Variants in SEL1L3 observed in about 807,000 individuals in gnomAD.
SEL1L3 encodes the protein protein sel-1 homolog 3.
A neutral mutation model predicts 142.8 loss-of-function variants in SEL1L3; 76 were observed. The observed-to-expected ratio is 0.53, with a 90% CI of 0.44 to 0.64. SEL1L3 has a LOEUF of 0.64. SEL1L3 is among the 30% of genes least tolerant of loss of function. The pLI is 0.00. For synonymous variants in SEL1L3, 504 were observed against 519.6 expected (o/e 0.97, Z 0.41); for missense variants, 1,262 against 1,381.7 (o/e 0.91, Z 1.37).
Position 25,757,581 on chromosome 4 carries a change from A to G in SEL1L3, c.3212T>C (p.Leu1071Pro), listed in dbSNP as rs1420212982. 1.3e-6 allele frequency: 2 copies of G among 1,552,366 alleles called. No individual in the cohort carries two copies. The highest frequency in any genetic ancestry group is 2.0e-5 in the Admixed American group (1 of 51,004). ...ALIYFLGTFL[L>P]SILIAWTVQY... ...CACAGTCCAGGCGATCAATATGGAT[A>G]GCAGAAAGGTTCCCAGAAAGTAGAT... Residue 1071 changes from leucine (L) to proline (P), a missense_variant, in exon 23 of 24, where the codon CTA becomes CCA. Physicochemically the swap from Leu to Pro is moderately conservative, Grantham distance 98. Around this residue, in one of 3 missense-constraint regions of SEL1L3, gnomAD observed 138 missense variants for 129.7 expected, o/e 1.06. Transcript: ENST00000399878.
chr4:25,785,732 G>A (rs1320027295), intron 13 of SEL1L3, among the ~76,000 whole-genome samples: 1 of 152,158 alleles, frequency 6.6e-6, no homozygotes, highest in Non-Finnish European at 1.5e-5. Flanking sequence ...GAGGGGAGGA[G>A]ACAAGCTTTC....
chr4:25,830,040 G>C, intron 6 of SEL1L3, 58 bp downstream of exon 6: 1 of 1,085,024 alleles, frequency 9.2e-7, no homozygotes. Flanking sequence ...GCTAAAGTAT[G>C]AAGATTCCTT....
At chr4:25,745,567 G>C (rs541962614), downstream of SEL1L3, among the ~76,000 whole-genome samples, 29 of 152,314 alleles carry the variant, frequency 1.9e-4, no homozygotes, top group Admixed American at 3.3e-4. Flanking sequence ...TCAAGGTGAA[G>C]GGAGTGTGAT....
chr4:25,853,048 T>C (rs994329389), intron 1 of SEL1L3, among the ~76,000 whole-genome samples: 1 of 152,250 alleles, frequency 6.6e-6, no homozygotes, highest in Non-Finnish European at 1.5e-5. Flanking sequence ...TCAGTTTTGT[T>C]TGATGGTCCA....
intron 11 of SEL1L3, among the ~76,000 whole-genome samples, chr4:25,796,868 GAA>G (rs10708744): frequency 0.019 from 2,741 of 142,488 alleles, 72 homozygotes; most frequent in African/African-American, 0.062. Flanking sequence ...CATAAAGACA[GAA>G]AAAAAAAAAA....
intron 17 of SEL1L3, among the ~76,000 whole-genome samples, chr4:25,771,518 T>TGGA (rs1310851605): frequency 6.6e-6 from 1 of 152,214 alleles, no homozygotes; most frequent in African/African-American, 2.4e-5. Context: ...TATATTATTT[T>TGGA]GCACGTGCTC....
At chr4:25,792,998 C>A (rs1421314816) in intron 11 of SEL1L3, among the ~76,000 whole-genome samples, 2 of 152,206 alleles carry the variant, frequency 1.3e-5, no homozygotes, top group African/African-American at 4.8e-5. Context: ...TAAGAACCAT[C>A]ATGGATGATG....
At chr4:25,798,664 C>A (rs1207221313) in intron 11 of SEL1L3, among the ~76,000 whole-genome samples, 10 of 152,122 alleles carry the variant, frequency 6.6e-5, no homozygotes, top group Admixed American at 6.5e-4. Context: ...CCCGTCTTCC[C>A]TAAAAATACA....
At chr4:25,747,136 G>A (rs1717296123), downstream of SEL1L3, among the ~76,000 whole-genome samples, 1 of 152,148 alleles carries the variant, frequency 6.6e-6, no homozygotes, top group African/African-American at 2.4e-5. Context: ...AGAAGGAGGA[G>A]GATGAACTAC....
At chr4:25,719,571 A>G in the SEL1L3 span, 1 of 152,176 alleles carries the variant, frequency 6.6e-6, no homozygotes, top group African/African-American at 2.4e-5. Context: ...TGTCAGCGGG[A>G]CAGAAGAGAA....
chr4:25,720,119 T>C, the SEL1L3 span: 1 of 152,186 alleles, frequency 6.6e-6, no homozygotes, highest in East Asian at 1.9e-4. Flanking sequence ...TCTAACCCTT[T>C]TTGGGCTCAT....
intron 9 of SEL1L3, among the ~76,000 whole-genome samples, chr4:25,816,507 T>C (rs562099243): frequency 7.9e-5 from 12 of 152,284 alleles, no homozygotes; most frequent in African/African-American, 2.9e-4. Context: ...GCTCTGTTCC[T>C]GTCACCATGT....
chr4:25,718,718 C>G, the SEL1L3 span: 1 of 152,196 alleles, frequency 6.6e-6, no homozygotes, highest in Admixed American at 6.5e-5. Flanking sequence ...CATACCGTAA[C>G]TGCCTAGCTT....
At chr4:25,781,749 AAGAG>A (rs1367281464) in intron 15 of SEL1L3, among the ~76,000 whole-genome samples, 26 of 152,298 alleles carry the variant, frequency 1.7e-4, no homozygotes, top group African/African-American at 6.3e-4. Context: ...AGGATTACAT[AAGAG>A]GGCACATGGT....
At chr4:25,845,102 G>A (rs905497069) in intron 2 of SEL1L3, among the ~76,000 whole-genome samples, 4 of 152,228 alleles carry the variant, frequency 2.6e-5, no homozygotes, top group African/African-American at 9.6e-5. Context: ...CCAGTTAACA[G>A]TATTAGATCA....
At chr4:25,769,042 C>T (rs1718968165) in intron 17 of SEL1L3, among the ~76,000 whole-genome samples, 2 of 151,670 alleles carry the variant, frequency 1.3e-5, no homozygotes, top group Admixed American at 1.3e-4. Flanking sequence ...TTATACGTTA[C>T]CTAGCTTAAG....
downstream of SEL1L3, among the ~76,000 whole-genome samples, chr4:25,746,329 G>A (rs569408218): frequency 6.6e-6 from 1 of 151,786 alleles, no homozygotes; most frequent in African/African-American, 2.4e-5. Flanking sequence ...ACCAGCCTGG[G>A]CAACATGGCA....
chr4:25,722,983 C>G, the SEL1L3 span, among the ~76,000 whole-genome samples: 2 of 152,140 alleles, frequency 1.3e-5, no homozygotes, highest in Admixed American at 1.3e-4. Context: ...AGGAGAGTTA[C>G]GTGGACAAGG....
Position 25,814,662 on chromosome 4 carries a change from G to C in SEL1L3, c.1564+3476C>G, listed in dbSNP as rs539030361. 9.9e-5 allele frequency among the ~76,000 whole-genome samples: 15 copies of C among 152,220 alleles called. No homozygotes were observed. In the South Asian group the frequency reaches 3.1e-3, roughly 32 times the overall value. ...GCTGTGGGCAGGAAGAACTTGGAAC[G>C]AAGGGTATTTGAGGAACTGGGAACG... On this transcript the variant is annotated intron_variant, in intron 9 of 23. Coordinates refer to ENST00000399878, the MANE Select transcript of SEL1L3 (RefSeq NM_015187.5).
Sources: allele counts gnomAD v4.1 joint callset (sites outside exome capture counted in the v4.1 genomes callset), GRCh38; gene constraint gnomAD v4.1.1; regional missense constraint gnomAD v4.1.1; transcripts MANE v1.5; gene names NCBI Gene and HGNC (gene_info 2026-07-23, HGNC 2026-07-21).